Variants in MTMR12 observed in about 807,000 individuals in gnomAD.
MTMR12 encodes the protein myotubularin related protein 12.
In MTMR12, 33 loss-of-function variants were observed where a neutral mutation model predicts 96.7. The ratio of observed to expected loss-of-function variants is 0.34; its 90% CI spans 0.26 to 0.46. The LOEUF (loss-of-function observed/expected upper bound fraction) is 0.46. MTMR12 is among the 20% of genes least tolerant of loss of function. The pLI, the probability that MTMR12 is intolerant of heterozygous loss-of-function variation, is 1.00. For synonymous variants in MTMR12, 298 were observed against 327.2 expected, an observed-to-expected ratio of 0.91 and a Z score of 0.96; for missense variants, 721 against 896.1, an observed-to-expected ratio of 0.80 and a Z score of 2.49.
chr5:32,309,829 G>A (rs1751506941), intron 1 of MTMR12: 1 of 151,966 alleles, frequency 6.6e-6, no homozygotes, highest in Non-Finnish European at 1.5e-5. Flanking sequence ...CAGTTAAAAT[G>A]GCTTATATCC....
chr5:32,246,963 T>C (rs1262027157), intron 10 of MTMR12, among the ~76,000 whole-genome samples: 1 of 152,200 alleles, frequency 6.6e-6, no homozygotes, highest in African/African-American at 2.4e-5. Flanking sequence ...ATAATATACA[T>C]TTTCCATGAA....
At chr5:32,257,310 T>C (rs1439829154) in intron 7 of MTMR12, among the ~76,000 whole-genome samples, 1 of 152,070 alleles carries the variant, frequency 6.6e-6, no homozygotes, top group Non-Finnish European at 1.5e-5. Flanking sequence ...ACCCTGTCTT[T>C]AAAAAATTAA....
intron 7 of MTMR12, among the ~76,000 whole-genome samples, chr5:32,256,611 A>C (rs1749147941): frequency 6.6e-6 from 1 of 152,234 alleles, no homozygotes; most frequent in Admixed American, 6.5e-5. Context: ...AAACTGCCTA[A>C]GTTTCTATCA....
intron 8 of MTMR12, among the ~76,000 whole-genome samples, chr5:32,250,475 T>C (rs1426050950): frequency 2.0e-5 from 3 of 152,238 alleles, no homozygotes; most frequent in Non-Finnish European, 4.4e-5. Context: ...TTTGCTGTTC[T>C]TGCATTCCCT....
intron 1 of MTMR12, among the ~76,000 whole-genome samples, chr5:32,309,946 C>T (rs971048254): frequency 2.0e-5 from 3 of 152,132 alleles, no homozygotes; most frequent in Non-Finnish European, 2.9e-5. Context: ...GAGAACAGTA[C>T]GGAGGTTCCT....
chr5:32,235,687 A>G (rs1342820814), intron 13 of MTMR12, among the ~76,000 whole-genome samples: 2 of 152,178 alleles, frequency 1.3e-5, no homozygotes, highest in Non-Finnish European at 2.9e-5. Flanking sequence ...GACAACGGGG[A>G]TGGGAGACAA....
intron 1 of MTMR12, among the ~76,000 whole-genome samples, chr5:32,290,343 A>G (rs1750694521): frequency 6.6e-6 from 1 of 152,186 alleles, no homozygotes; most frequent in Non-Finnish European, 1.5e-5. Context: ...AGTAACAAAC[A>G]CAATGGACTT....
chr5:32,254,527 G>A (rs1195596747), intron 8 of MTMR12, among the ~76,000 whole-genome samples: 1 of 152,122 alleles, frequency 6.6e-6, no homozygotes, highest in Non-Finnish European at 1.5e-5. Context: ...TGAATCAGTG[G>A]CATATATTTA....
intron 1 of MTMR12, among the ~76,000 whole-genome samples, chr5:32,288,290 A>G (rs1750618979): frequency 6.6e-6 from 1 of 152,088 alleles, no homozygotes; most frequent in Non-Finnish European, 1.5e-5. Flanking sequence ...CCCCATCCCC[A>G]GTAGTGGCAA....
chr5:32,241,048 A>G (rs1748448590), intron 12 of MTMR12, among the ~76,000 whole-genome samples: 1 of 152,224 alleles, frequency 6.6e-6, no homozygotes, highest in African/African-American at 2.4e-5. Flanking sequence ...TCTCAGTTCT[A>G]TCAGTCAAAG....
chr5:32,273,911 GA>G lies in MTMR12; in HGVS notation c.285+68del, dbSNP rs940431885. ...GGGGGTAGAGTAACTGAGAAGCTGG[GA>G]AAAAAAGACAACGGAACCACAACCA... On this transcript the variant is annotated intron_variant, in intron 3 of 15. Transcript: ENST00000382142. 5.0e-6 allele frequency: 8 copies of G among 1,595,436 alleles called. No individual in the cohort carries two copies. In the South Asian group the frequency reaches 5.6e-5, roughly 11 times the overall value.
At chr5:32,242,943 T>C (rs1484554038) in intron 11 of MTMR12, among the ~76,000 whole-genome samples, 1 of 152,144 alleles carries the variant, frequency 6.6e-6, no homozygotes, top group Admixed American at 6.5e-5. Flanking sequence ...TCCTGAAATG[T>C]AGCCTAGCAT....
At chr5:32,295,552 G>A (rs1365743298) in intron 1 of MTMR12, among the ~76,000 whole-genome samples, 1 of 152,158 alleles carries the variant, frequency 6.6e-6, no homozygotes, top group Non-Finnish European at 1.5e-5. Flanking sequence ...ATTTCAGAGG[G>A]CTACTTGGAA....
intron 3 of MTMR12, 102 bp from the exon 4 acceptor site, chr5:32,272,007 G>A: frequency 1.5e-6 from 1 of 673,088 alleles, no homozygotes; most frequent in East Asian, 3.4e-5. Context: ...AAGAAAAATG[G>A]GGGGCCGGGT....
chr5:32,248,704 T>C (rs1748792899), intron 9 of MTMR12, 68 bp downstream of exon 9: 1 of 1,210,424 alleles, frequency 8.3e-7, no homozygotes, highest in African/African-American at 1.5e-5. Context: ...GACATACTAC[T>C]AAGAGCTGTT....
In MTMR12 at chr5:32,312,523, C is replaced by A. The variant is rs1340002829; in HGVS notation, c.81+235G>T. Reference sequence around the variant, plus strand: ...TTCTCGGCTCGGGCCCCTCCACCAGCCTCCAGCGCTCGGGCCCTGCGCTCA... The same window carrying A: ...TTCTCGGCTCGGGCCCCTCCACCAGACTCCAGCGCTCGGGCCCTGCGCTCA... On this transcript the variant is annotated intron_variant, in intron 1 of 15. Coordinates refer to ENST00000382142, the MANE Select transcript of MTMR12 (RefSeq NM_001040446.3). The surrounding 1 kb of genome is among the most constrained non-coding windows in gnomAD (Gnocchi z 5.0). 1.3e-5 allele frequency among the ~76,000 whole-genome samples: 2 copies of A among 152,188 alleles called. No homozygotes were observed. Among genetic ancestry groups the A allele is most frequent in the Non-Finnish European group, 2.9e-5 (2 of 68,000 alleles).
At chr5:32,266,274 T>C (rs1395014904) in intron 6 of MTMR12, among the ~76,000 whole-genome samples, 1 of 152,210 alleles carries the variant, frequency 6.6e-6, no homozygotes, top group Non-Finnish European at 1.5e-5. Flanking sequence ...TTTATCTCCA[T>C]ATACCCACAG....
At chr5:32,272,263 C>T (rs1749866394) in intron 3 of MTMR12, among the ~76,000 whole-genome samples, 1 of 151,926 alleles carries the variant, frequency 6.6e-6, no homozygotes, top group African/African-American at 2.4e-5. Context: ...TGCACTTCAG[C>T]CTGGGTGACA....
chr5:32,237,725 T>A (rs1459740035), intron 13 of MTMR12, among the ~76,000 whole-genome samples: 3 of 151,938 alleles, frequency 2.0e-5, no homozygotes, highest in Non-Finnish European at 4.4e-5. Context: ...TTAGCCAGGA[T>A]GGTGTCGACC....
Sources: allele counts gnomAD v4.1 joint callset (sites outside exome capture counted in the v4.1 genomes callset), GRCh38; gene constraint gnomAD v4.1.1; non-coding constraint Gnocchi (gnomAD v3.1); transcripts MANE v1.5; gene names NCBI Gene and HGNC (gene_info 2026-07-23, HGNC 2026-07-21).